TFG: variants seen among roughly 807,000 people sequenced by gnomAD.
The protein encoded by TFG is trafficking from ER to golgi regulator, also known as protein TFG.
In TFG, 22 loss-of-function variants were observed where a neutral mutation model predicts 51.4. That is an observed-to-expected ratio of 0.43 (90% CI 0.31 to 0.61). The LOEUF is 0.61. TFG is among the 20% of genes least tolerant of loss of function. The pLI, the probability that TFG is intolerant of heterozygous loss-of-function variation, is 0.12. For synonymous variants in TFG, 187 were observed against 165.6 expected (o/e 1.13, Z -0.99); for missense variants, 419 against 487.7 (o/e 0.86, Z 1.33).
chr3:100,733,027 A>G (rs1038046094), intron 5 of TFG, among the ~76,000 whole-genome samples: 10 of 152,234 alleles, frequency 6.6e-5, no homozygotes, highest in Non-Finnish European at 8.8e-5. Flanking sequence ...TATTCGAATT[A>G]TATTTGATTT....
At chr3:100,721,074 A>T (rs2095059576) in intron 3 of TFG, among the ~76,000 whole-genome samples, 1 of 152,248 alleles carries the variant, frequency 6.6e-6, no homozygotes, top group Admixed American at 6.5e-5. Context: ...AATGTTAATA[A>T]CAAAAACTGT....
intron 7 of TFG, among the ~76,000 whole-genome samples, 163 bp downstream of exon 7, chr3:100,745,094 T>A (rs1303588662): frequency 6.6e-6 from 1 of 152,250 alleles, no homozygotes; most frequent in African/African-American, 2.4e-5. Context: ...TATTTTACAT[T>A]AATATTGTAA....
rs1267872063 is a variant in TFG, at chr3:100,710,320, C to T, written c.-44+599C>T. On this transcript the variant is annotated intron_variant, in intron 1 of 7. Transcript: ENST00000240851. ...AGTAAGTATTTTGGATGCACTGTCT[C>T]ATTTAATCATCACAAGGATTCCTCC... 2.6e-5 allele frequency: 4 copies of T among 152,242 alleles called. No individual in the cohort carries two copies. The South Asian group carries it at 6.2e-4, about 24-fold the overall frequency. The allele number at this position is 152,242 out of a possible 1,614,324, so 9.4% of individuals were successfully genotyped here.
At chr3:100,725,938 A>G (rs2095074500) in intron 3 of TFG, among the ~76,000 whole-genome samples, 1 of 152,226 alleles carries the variant, frequency 6.6e-6, no homozygotes, top group Non-Finnish European at 1.5e-5. Context: ...AGGGTTCTCC[A>G]GAGGGATGGA....
chr3:100,744,885 G>T lies in TFG; in HGVS notation c.774G>T (p.Pro258=). 1 of 1,613,332 alleles carries T rather than the reference G, an allele frequency of 6.2e-7. No homozygotes were observed. Residue 258 remains proline (P), a synonymous_variant, in exon 7 of 8, where the codon CCG becomes CCT. Coordinates refer to ENST00000240851, the MANE Select transcript of TFG (RefSeq NM_006070.6). ...QQQAGYGAQQ[P]QAPPQQPQQY... ...AGGCCGGCTATGGTGCACAGCAGCC[G>T]CAGGCTCCACCTCAGCAGCCTCAAC... is the stretch of plus-strand genomic sequence containing the variant.
At chr3:100,722,777 A>G (rs1226479503) in intron 3 of TFG, among the ~76,000 whole-genome samples, 1 of 152,204 alleles carries the variant, frequency 6.6e-6, no homozygotes, top group Admixed American at 6.5e-5. Flanking sequence ...TACTCCACTA[A>G]ATTTCACGAA....
chr3:100,728,602 T>A (rs184425200), intron 3 of TFG, 110 bp from the exon 4 acceptor site: 1 of 891,442 alleles, frequency 1.1e-6, no homozygotes. Context: ...TACATTGATA[T>A]CTTGTTTTTG....
At chr3:100,735,496 T>G (rs752613620) in intron 5 of TFG, among the ~76,000 whole-genome samples, 5 of 152,170 alleles carry the variant, frequency 3.3e-5, no homozygotes, top group Non-Finnish European at 7.3e-5. Context: ...AGTATATCCT[T>G]TGTACAGATG....
At chr3:100,734,376 T>C (rs2095100566) in intron 5 of TFG, among the ~76,000 whole-genome samples, 1 of 152,154 alleles carries the variant, frequency 6.6e-6, no homozygotes, top group Non-Finnish European at 1.5e-5. Context: ...GCTGGGGATT[T>C]GGACAGAGTG....
chr3:100,742,210 G>A (rs1016532655), intron 6 of TFG, among the ~76,000 whole-genome samples: 6 of 152,022 alleles, frequency 3.9e-5, no homozygotes, highest in South Asian at 2.1e-4. Context: ...AGTAAGTACC[G>A]TAAATCCTCA....
intron 2 of TFG, among the ~76,000 whole-genome samples, chr3:100,717,156 A>G (rs746429597): frequency 6.6e-6 from 1 of 152,200 alleles, no homozygotes; most frequent in African/African-American, 2.4e-5. Context: ...GGTCTTGTCA[A>G]AAGTCAGTTG....
intron 3 of TFG, among the ~76,000 whole-genome samples, chr3:100,726,901 A>T (rs950335968): frequency 1.3e-5 from 2 of 152,192 alleles, no homozygotes; most frequent in Non-Finnish European, 2.9e-5. Flanking sequence ...ATCAAATCTT[A>T]TCTAGAAGGT....
rs746679944 is a variant in TFG at position 100,713,650 on chromosome 3, C to A, written c.-36C>A. On this transcript the variant is annotated 5_prime_UTR_variant, in exon 2 of 8. Coordinates refer to ENST00000240851, the MANE Select transcript of TFG (RefSeq NM_006070.6). ...CAAAACCACTTTTATCAGTCTTTCTCTAGAGTTGTATATATAGAACATCCT... is the reference window on the plus strand; with the variant it reads ...CAAAACCACTTTTATCAGTCTTTCTATAGAGTTGTATATATAGAACATCCT... 76 of 1,416,472 alleles carry A rather than the reference C, an allele frequency of 5.4e-5. No homozygotes were observed. The highest frequency in any genetic ancestry group is 7.0e-5 in the Non-Finnish European group (74 of 1,062,502). 87.7% of individuals were successfully genotyped at this position (1,416,472 alleles called of 1,614,324 possible). A position where few individuals can be genotyped will look rare whatever the true frequency, so the allele number is the denominator to read the frequency against.
At chr3:100,739,214 ATAATTTGT>A (rs1189852667) in intron 6 of TFG, among the ~76,000 whole-genome samples, 1 of 152,202 alleles carries the variant, frequency 6.6e-6, no homozygotes, top group African/African-American at 2.4e-5. Context: ...TGTATTACTT[ATAATTTGT>A]TAACATAGCA....
At chr3:100,727,243 C>CT (rs1185709320) in intron 3 of TFG, among the ~76,000 whole-genome samples, 1 of 152,182 alleles carries the variant, frequency 6.6e-6, no homozygotes, top group Non-Finnish European at 1.5e-5. Context: ...CAGTTTCTGG[C>CT]TGCTAGGAGC....
At chr3:100,738,717 AT>A (rs767814550) in intron 6 of TFG, among the ~76,000 whole-genome samples, 6 of 152,172 alleles carry the variant, frequency 3.9e-5, no homozygotes, top group Non-Finnish European at 5.9e-5. Context: ...CAGTATGAAA[AT>A]TGTACAATTA....
At chr3:100,746,434 T>A (rs1395408165) in intron 7 of TFG, among the ~76,000 whole-genome samples, 3 of 152,176 alleles carry the variant, frequency 2.0e-5, no homozygotes, top group African/African-American at 7.2e-5. Flanking sequence ...AGTATTTCCC[T>A]GTATCATTCT....
chr3:100,715,026 A>G lies in TFG; in HGVS notation c.184+1157A>G, dbSNP rs569486879. Among the ~76,000 whole-genome samples the G allele has an allele frequency of 2.6e-5, 4 of 152,274 alleles. No homozygotes were observed. The South Asian group carries it at 6.2e-4, about 24-fold the overall frequency. ...GTGGAACTTACTTGCAGTGTATTTA[A>G]TCTTGACCTCACTGTTTAGCACTGC... On this transcript the variant is annotated intron_variant, in intron 2 of 7. Transcript: ENST00000240851.
intron 3 of TFG, 115 bp from the exon 4 acceptor site, chr3:100,728,597 T>A: frequency 1.2e-6 from 1 of 859,212 alleles, no homozygotes; most frequent in Non-Finnish European, 1.7e-6. Flanking sequence ...TCCATTACAT[T>A]GATATCTTGT....
Sources: allele counts gnomAD v4.1 joint callset (sites outside exome capture counted in the v4.1 genomes callset), GRCh38; gene constraint gnomAD v4.1.1; transcripts MANE v1.5; gene names NCBI Gene and HGNC (gene_info 2026-07-23, HGNC 2026-07-21).